WDR64: variants seen among roughly 807,000 people sequenced by gnomAD.
The protein encoded by WDR64 is WD repeat-containing protein 64.
A neutral mutation model predicts 139.3 loss-of-function variants in WDR64; 112 were observed. That is an observed-to-expected ratio of 0.80 (90% CI 0.69 to 0.94). WDR64 has a LOEUF of 0.94. Ranked by LOEUF, WDR64 falls within the 40% of genes least tolerant of loss-of-function variation. WDR64 has a pLI of 0.00. For synonymous variants in WDR64, 444 were observed against 437.7 expected (o/e 1.01, Z -0.18); for missense variants, 1,206 against 1,293.1 (o/e 0.93, Z 1.03).
At chr1:241,725,969 C>G (rs903980118) in intron 10 of WDR64, among the ~76,000 whole-genome samples, 1 of 152,182 alleles carries the variant, frequency 6.6e-6, no homozygotes, top group Non-Finnish European at 1.5e-5. Context: ...CCCACCTCAG[C>G]CTCCCCAGTA....
intron 8 of WDR64, among the ~76,000 whole-genome samples, chr1:241,705,263 C>T (rs1667888037): frequency 6.6e-6 from 1 of 152,008 alleles, no homozygotes; most frequent in Non-Finnish European, 1.5e-5. Context: ...AGGTCTTGGC[C>T]GGGCGGGGTG....
At chr1:241,657,944 C>G (rs184840585) in intron 1 of WDR64, among the ~76,000 whole-genome samples, 1 of 152,302 alleles carries the variant, frequency 6.6e-6, no homozygotes, top group East Asian at 1.9e-4. Context: ...CTGCTTTTCA[C>G]CTTATACACA....
chr1:241,733,796 T>C (rs1669186723), intron 10 of WDR64, among the ~76,000 whole-genome samples: 1 of 152,076 alleles, frequency 6.6e-6, no homozygotes, highest in Non-Finnish European at 1.5e-5. Context: ...CTCAGTCTCC[T>C]TTTATACCAA....
In WDR64 at chr1:241,683,532, G is replaced by C; in HGVS notation, c.670G>C (p.Val224Leu). The change falls in exon 7 of 28, where the codon GTG (valine) becomes CTG (leucine). Residue 224 changes from valine to leucine, a missense_variant. Coordinates refer to ENST00000437684, the MANE Select transcript of WDR64 (RefSeq NM_001367482.1). The part of the protein sequence containing the change: ...IKPMDHCLLC[V>L]CVVPLPDHLC... ...ACCAATGGATCACTGCCTCCTGTGT[G>C]TGTGTGTGGTGCCTTTGCCTGACCA... The C allele has an allele frequency of 6.4e-7, 1 of 1,551,746 alleles. No homozygotes were observed. The highest frequency in any genetic ancestry group is 1.7e-4 in the Middle Eastern group (1 of 5,992).
chr1:241,798,867 A>G (rs1659439502), intron 27 of WDR64, among the ~76,000 whole-genome samples: 1 of 152,164 alleles, frequency 6.6e-6, no homozygotes, highest in Admixed American at 6.6e-5. Flanking sequence ...AACACATTAT[A>G]AAATATTAAC....
Position 241,696,113 on chromosome 1 carries a change from C to CAAAAAAAAAAAAA in WDR64, c.974+8534_974+8546dup, listed in dbSNP as rs541301982. Among the ~76,000 whole-genome samples, 140 of 22,320 alleles carry CAAAAAAAAAAAAA rather than the reference C, an allele frequency of 6.3e-3. 39 individuals carry two copies. The highest frequency in any genetic ancestry group is 0.016 in the East Asian group (8 of 504). 14.6% of individuals were successfully genotyped at this position (22,320 alleles called of 152,430 possible). The stretch of plus-strand genomic sequence containing the variant: ...TGTGGAATGGAATGAGACCCAGTAT[C>CAAAAAAAAAAAAA]AAAAAAAAAAAAAAAAAAAAAAAAA... On this transcript the variant is annotated intron_variant, in intron 8 of 27. Transcript: ENST00000437684.
intron 3 of WDR64, among the ~76,000 whole-genome samples, chr1:241,672,752 G>A (rs990204846): frequency 2.6e-5 from 4 of 152,180 alleles, no homozygotes; most frequent in Admixed American, 2.0e-4. Flanking sequence ...TTGATGGGGT[G>A]GTCAGGGAAG....
At chr1:241,757,868 T>C (rs1029684571) in intron 15 of WDR64, among the ~76,000 whole-genome samples, 2 of 152,118 alleles carry the variant, frequency 1.3e-5, no homozygotes, top group African/African-American at 4.8e-5. Context: ...CAATAATGAC[T>C]ATTTCAAAAA....
At chr1:241,786,410 AT>A (rs1659037992) in intron 23 of WDR64, among the ~76,000 whole-genome samples, 1 of 152,114 alleles carries the variant, frequency 6.6e-6, no homozygotes, top group East Asian at 1.9e-4. Context: ...TCCAAATACT[AT>A]TTTATGTTCC....
chr1:241,666,321 T>G (rs1666026334), intron 2 of WDR64, among the ~76,000 whole-genome samples: 3 of 152,226 alleles, frequency 2.0e-5, no homozygotes, highest in African/African-American at 7.2e-5. Flanking sequence ...TTGAGACATT[T>G]CCTTTCAAAA....
intron 8 of WDR64, among the ~76,000 whole-genome samples, chr1:241,710,772 G>A (rs549179096): frequency 2.6e-5 from 4 of 152,308 alleles, no homozygotes; most frequent in East Asian, 1.9e-4. Flanking sequence ...CTGGAAGGGC[G>A]ATAGGGATCA....
chr1:241,728,815 CTCT>C (rs936124047), intron 10 of WDR64, among the ~76,000 whole-genome samples: 4 of 122,738 alleles, frequency 3.3e-5, no homozygotes, highest in African/African-American at 1.1e-4. Flanking sequence ...AAGGCTGATT[CTCT>C]TCTTCTTTTT....
intron 6 of WDR64, among the ~76,000 whole-genome samples, chr1:241,680,624 G>C (rs1026405010): frequency 1.3e-5 from 2 of 151,950 alleles, no homozygotes; most frequent in Non-Finnish European, 2.9e-5. Flanking sequence ...ACACCCTCTG[G>C]GGGTATCATC....
intron 1 of WDR64, among the ~76,000 whole-genome samples, chr1:241,659,357 C>T (rs943974870): frequency 6.6e-6 from 1 of 152,114 alleles, no homozygotes; most frequent in African/African-American, 2.4e-5. Flanking sequence ...GGGAACAGTG[C>T]TGCAATGAGC....
chr1:241,769,754 C>T (rs1029302102), intron 17 of WDR64, among the ~76,000 whole-genome samples: 3 of 152,154 alleles, frequency 2.0e-5, no homozygotes, highest in Non-Finnish European at 4.4e-5. Context: ...TGTGTGGTCC[C>T]CTCACCATGT....
At chr1:241,741,203 G>A (rs1024053528) in intron 11 of WDR64, among the ~76,000 whole-genome samples, 1 of 152,214 alleles carries the variant, frequency 6.6e-6, no homozygotes, top group African/African-American at 2.4e-5. Flanking sequence ...CAATAAAAGA[G>A]AGAAGTGGAC....
intron 8 of WDR64, among the ~76,000 whole-genome samples, chr1:241,705,565 T>TAAATA (rs78000093): frequency 0.25 from 16,625 of 66,284 alleles, 1,039 homozygotes; most frequent in Non-Finnish European, 0.3. Context: ...AAATAAATAA[T>TAAATA]AATAATAATA....
At position 241,674,664 on chromosome 1, in the gene WDR64, A is replaced by G; in HGVS notation, c.400A>G (p.Ile134Val). The change falls in exon 4 of 28, where the codon ATT becomes GTT. Residue 134 changes from isoleucine to valine, a missense_variant. Coordinates refer to ENST00000437684, the MANE Select transcript of WDR64 (RefSeq NM_001367482.1). ...LISGSRRRDV[I>V]KSIVKIPHLD... ...GACAGGTAGTAGAAGACGAGATGTGATTAAGAGCATTGTCAAGATACCTCA... is the reference window on the plus strand; with the variant it reads ...GACAGGTAGTAGAAGACGAGATGTGGTTAAGAGCATTGTCAAGATACCTCA... The G allele has an allele frequency of 6.5e-7, 1 of 1,549,474 alleles. No homozygotes were observed. Among genetic ancestry groups the G allele is most frequent in the Non-Finnish European group, 8.7e-7 (1 of 1,145,360 alleles).
intron 2 of WDR64, among the ~76,000 whole-genome samples, chr1:241,666,689 T>TTA (rs1401339616): frequency 6.6e-6 from 1 of 152,192 alleles, no homozygotes; most frequent in Non-Finnish European, 1.5e-5. Context: ...AAATCAGGAA[T>TTA]TACAGTTACT....
Sources: allele counts gnomAD v4.1 joint callset (sites outside exome capture counted in the v4.1 genomes callset), GRCh38; gene constraint gnomAD v4.1.1; transcripts MANE v1.5; gene names NCBI Gene and HGNC (gene_info 2026-07-23, HGNC 2026-07-21).